The following CLEC16A variants were observed in gnomAD, a reference collection of about 807,000 sequenced individuals.
The protein encoded by CLEC16A is C-type lectin domain containing 16A.
In CLEC16A, 51 loss-of-function variants were observed where a neutral mutation model predicts 109.5. That is an observed-to-expected ratio of 0.47 (90% CI 0.37 to 0.59). The LOEUF (loss-of-function observed/expected upper bound fraction) is 0.59. Among genes scored for constraint, CLEC16A ranks in the 20% least tolerant of loss-of-function variants. CLEC16A has a pLI of 0.00. For synonymous variants in CLEC16A, 673 were observed against 564.2 expected (o/e 1.19, Z -2.73); for missense variants, 1,339 against 1,394.0 (o/e 0.96, Z 0.63).
chr16:11,173,802 G>A (rs190838162), intron 23 of CLEC16A, among the ~76,000 whole-genome samples: 76 of 152,190 alleles, frequency 5.0e-4, no homozygotes, highest in Non-Finnish European at 7.1e-4. Context: ...CTGTTCTTCC[G>A]TCCCCTGAGG....
intron 10 of CLEC16A, among the ~76,000 whole-genome samples, chr16:11,001,364 G>A (rs1170400951): frequency 2.6e-5 from 4 of 152,174 alleles, no homozygotes; most frequent in African/African-American, 4.8e-5. Flanking sequence ...GGGATTACAG[G>A]TGTGAGCCAT....
At chr16:11,112,420 G>C (rs777927985) in intron 19 of CLEC16A, among the ~76,000 whole-genome samples, 1 of 149,632 alleles carries the variant, frequency 6.7e-6, no homozygotes, top group Non-Finnish European at 1.5e-5. Flanking sequence ...AGCACTTTGG[G>C]AGGCCAAGGC....
chr16:11,106,691 G>C (rs2051243624), intron 19 of CLEC16A, among the ~76,000 whole-genome samples: 1 of 151,884 alleles, frequency 6.6e-6, no homozygotes, highest in Non-Finnish European at 1.5e-5. Context: ...TTAGAGGTGA[G>C]GAAGTGAATC....
chr16:11,027,788 A>G, intron 13 of CLEC16A: 9 of 988,510 alleles, frequency 9.1e-6, no homozygotes, highest in African/African-American at 1.6e-5. Flanking sequence ...ACTGCAGTAT[A>G]TTTTTGATCA....
At chr16:11,170,497 C>T (rs947238956) in intron 23 of CLEC16A, among the ~76,000 whole-genome samples, 1 of 152,224 alleles carries the variant, frequency 6.6e-6, no homozygotes, top group Admixed American at 6.5e-5. Flanking sequence ...ATCCCAAACA[C>T]GTTCTCACCT....
chr16:10,974,156 C>G (rs1484864825), intron 7 of CLEC16A, among the ~76,000 whole-genome samples: 1 of 151,936 alleles, frequency 6.6e-6, no homozygotes, highest in Non-Finnish European at 1.5e-5. Context: ...CTGGGCCTCC[C>G]AGAAGTGCTA....
At chr16:11,125,351 AAATACTTC>A (rs982625821) in intron 21 of CLEC16A, among the ~76,000 whole-genome samples, 4 of 152,032 alleles carry the variant, frequency 2.6e-5, no homozygotes, top group African/African-American at 9.7e-5. Context: ...CATGAAGGCC[AAATACTTC>A]ATTTGAAAAT....
At chr16:11,027,866 C>A in intron 13 of CLEC16A, 3 of 646,012 alleles carry the variant, frequency 4.6e-6, no homozygotes, top group Non-Finnish European at 8.2e-6. Context: ...AAGATTATTT[C>A]CTGCTCTGTC....
Position 11,076,592 on chromosome 16 carries a change from C to T in CLEC16A, c.2116+15570C>T, listed in dbSNP as rs77597781. On this transcript the variant is annotated intron_variant, in intron 19 of 23. Coordinates refer to ENST00000409790, the MANE Select transcript of CLEC16A (RefSeq NM_015226.3). ...CAGCCACCAGATTTGACACAGGATC[C>T]GGTGATTGCTCAGGCCTCAGGAGGG... 9.3e-3 allele frequency among the ~76,000 whole-genome samples: 1,413 copies of T among 152,180 alleles called. 21 individuals are homozygous for T. The highest frequency in any genetic ancestry group is 0.032 in the East Asian group (168 of 5,172).
chr16:11,054,535 C>G (rs990480507), intron 18 of CLEC16A, among the ~76,000 whole-genome samples: 3 of 152,200 alleles, frequency 2.0e-5, no homozygotes, highest in African/African-American at 7.2e-5. Flanking sequence ...TCTCTAGAGT[C>G]TCTTTGCCTG....
rs116332649 is a variant in CLEC16A, at chr16:11,103,721, T to C, written c.2117-16894T>C. Among the ~76,000 whole-genome samples, 708 of 152,234 alleles carry C rather than the reference T, an allele frequency of 4.7e-3. 10 individuals are homozygous for C. Among genetic ancestry groups the C allele is most frequent in the African/African-American group, 0.016 (682 of 41,530 alleles). The stretch of plus-strand genomic sequence containing the variant: ...CCCATGGCATGTAATTGTCACTTCT[T>C]TGGGCTCCCATGCTAGACAGGAACC... On this transcript the variant is annotated intron_variant, in intron 19 of 23. Transcript: ENST00000409790.
intron 13 of CLEC16A, chr16:11,036,206 C>T (rs1377298015): frequency 6.6e-6 from 1 of 152,360 alleles, no homozygotes; most frequent in Non-Finnish European, 1.5e-5. Flanking sequence ...CGCTAGCTGC[C>T]TCTCCTGGGC....
chr16:11,000,381 C>T (rs2044597314), intron 10 of CLEC16A, among the ~76,000 whole-genome samples: 1 of 152,180 alleles, frequency 6.6e-6, no homozygotes, highest in Admixed American at 6.5e-5. Context: ...AATTTCTGCT[C>T]TTAATTTCAA....
At chr16:10,946,245 C>A (rs1052483048) in intron 1 of CLEC16A, among the ~76,000 whole-genome samples, 1 of 152,032 alleles carries the variant, frequency 6.6e-6, no homozygotes, top group Non-Finnish European at 1.5e-5. Context: ...GGAAGGGAGA[C>A]GGGGCTGTGG....
chr16:10,979,369 A>G lies in CLEC16A; in HGVS notation c.944A>G (p.Tyr315Cys). 3 of 1,613,016 alleles carry G rather than the reference A, an allele frequency of 1.9e-6. No individual in the cohort carries two copies. Among genetic ancestry groups the G allele is most frequent in the Non-Finnish European group, 2.5e-6 (3 of 1,179,624 alleles). Residue 315 changes from tyrosine to cysteine, a missense_variant, in exon 9 of 24, where the codon TAT becomes TGT. Transcript: ENST00000409790. ...RPKISLPVSL[Y>C]LLSQVFLIIH... is the part of the protein sequence containing the mutation. Reference sequence around the variant, plus strand: ...AAAATTAGCCTGCCGGTGTCTCTTTATCTTCTGTCACAGGTATGCTTGATC... The same window carrying G: ...AAAATTAGCCTGCCGGTGTCTCTTTGTCTTCTGTCACAGGTATGCTTGATC...
At chr16:10,960,820 T>A (rs1339162789) in intron 2 of CLEC16A, among the ~76,000 whole-genome samples, 1 of 152,240 alleles carries the variant, frequency 6.6e-6, no homozygotes, top group East Asian at 1.9e-4. Flanking sequence ...TAATTCAGTA[T>A]GTTGTTATTT....
intron 22 of CLEC16A, among the ~76,000 whole-genome samples, chr16:11,135,017 C>G (rs763372055): frequency 3.3e-5 from 5 of 152,220 alleles, no homozygotes; most frequent in Non-Finnish European, 5.9e-5. Context: ...ACTTCCAAAC[C>G]AGGCTAGCGG....
In CLEC16A at chr16:11,042,264, C is replaced by G; in HGVS notation, c.1671C>G (p.Ile557Met). The change falls in exon 15 of 24, where the codon ATC (isoleucine) becomes ATG (methionine). Residue 557 changes from isoleucine to methionine, a missense_variant. Coordinates refer to ENST00000409790, the MANE Select transcript of CLEC16A (RefSeq NM_015226.3). ...TGGTGTGCTCTGCAGATGGGAAGAT[C>G]CGGCTGGCGACGCTGGAGCTGAGCT... ...MNNAAQPDGK[I>M]RLATLELSCL... 1.3e-6 allele frequency: 2 copies of G among 1,578,900 alleles called. No homozygotes were observed. Among genetic ancestry groups the G allele is most frequent in the East Asian group, 2.3e-5 (1 of 42,738 alleles).
intron 1 of CLEC16A, 33 bp from the exon 2 acceptor site, chr16:10,957,749 A>G (rs757952977): frequency 1.2e-6 from 2 of 1,612,148 alleles, no homozygotes; most frequent in Non-Finnish European, 1.7e-6. Flanking sequence ...TCAGTTGGTA[A>G]CCTTTAATTT....
Sources: allele counts gnomAD v4.1 joint callset (sites outside exome capture counted in the v4.1 genomes callset), GRCh38; gene constraint gnomAD v4.1.1; transcripts MANE v1.5; gene names NCBI Gene and HGNC (gene_info 2026-07-23, HGNC 2026-07-21).